The following ENOX2 variants were observed in gnomAD, a reference collection of about 807,000 sequenced individuals.
The protein encoded by ENOX2 is ecto-NOX disulfide-thiol exchanger 2.
Under a neutral mutation model 45.0 loss-of-function variants are expected in ENOX2, and 36 were observed. That is an observed-to-expected ratio of 0.80 (90% CI 0.61 to 1.06). ENOX2 has a LOEUF of 1.06. Ranked by LOEUF, ENOX2 falls within the 50% of genes least tolerant of loss-of-function variation. ENOX2 has a pLI of 0.00. For missense variants in ENOX2, 423 were observed against 462.5 expected (o/e 0.91, Z 0.78); for synonymous variants, 174 against 152.3 (o/e 1.14, Z -1.05).
At chrX:130,827,745 A>C (rs922535963) in intron 2 of ENOX2, among the ~76,000 whole-genome samples, 1 of 111,982 alleles carries the variant, frequency 8.9e-6, no homozygotes, top group Admixed American at 9.5e-5. Context: ...AAAGCCAATG[A>C]GGAAAAAAAG....
intron 2 of ENOX2, among the ~76,000 whole-genome samples, chrX:130,853,200 G>A (rs1422614535): frequency 1.8e-5 from 2 of 110,121 alleles, no homozygotes; most frequent in Non-Finnish European, 3.8e-5. Context: ...GCTTTTGGCC[G>A]GGCGCGGTGG....
rs147562688 is a variant in ENOX2 at position 130,695,078 on chromosome X, T to C, written c.98-6060A>G. ...AAGTAGCTCTTACTAAACGTGCTCC[T>C]AACCATTAGTCTACACTGCTTCCCA... On this transcript the variant is annotated intron_variant, in intron 4 of 14. Transcript: ENST00000394363. Among the ~76,000 whole-genome samples, 872 of 111,659 alleles carry C rather than the reference T, an allele frequency of 7.8e-3. 27 individuals carry two copies. Among genetic ancestry groups the C allele is most frequent in the Admixed American group, 0.059 (619 of 10,525 alleles).
chrX:130,794,378 A>G (rs2077087559), intron 2 of ENOX2, among the ~76,000 whole-genome samples: 1 of 112,417 alleles, frequency 8.9e-6, no homozygotes, highest in Non-Finnish European at 1.9e-5. Flanking sequence ...GATTGATTTC[A>G]TAAAACTGAG....
At chrX:130,720,355 C>T (rs919031086) in intron 3 of ENOX2, among the ~76,000 whole-genome samples, 5 of 112,459 alleles carry the variant, frequency 4.4e-5, no homozygotes. Flanking sequence ...CCTCCTGGCC[C>T]ATCAAAGAAT....
chrX:130,669,127 G>A (rs2036913014), intron 7 of ENOX2, among the ~76,000 whole-genome samples: 1 of 112,047 alleles, frequency 8.9e-6, no homozygotes, highest in South Asian at 3.7e-4. Flanking sequence ...ATCTTGATGA[G>A]TTGAGAACAC....
At chrX:130,688,840 T>C in intron 5 of ENOX2, 23 bp downstream of exon 5, 4 of 1,150,236 alleles carry the variant, frequency 3.5e-6, no homozygotes, top group Non-Finnish European at 4.7e-6. Flanking sequence ...GTGTCTTGTG[T>C]GGAGAAAAAA....
chrX:130,647,551 C>T (rs779072661), intron 10 of ENOX2, among the ~76,000 whole-genome samples: 1 of 112,026 alleles, frequency 8.9e-6, no homozygotes, highest in Non-Finnish European at 1.9e-5. Flanking sequence ...AATGCAGATT[C>T]TCTGATTCAA....
intron 3 of ENOX2, among the ~76,000 whole-genome samples, chrX:130,755,820 T>A (rs1326288625): frequency 9.1e-6 from 1 of 110,266 alleles, no homozygotes; most frequent in Non-Finnish European, 1.9e-5. Context: ...AAATACTAGG[T>A]CTTATTCATT....
chrX:130,849,622 T>C (rs939410204), intron 2 of ENOX2, among the ~76,000 whole-genome samples: 5 of 112,108 alleles, frequency 4.5e-5, no homozygotes, highest in African/African-American at 1.3e-4. Context: ...GGGCTGGTCA[T>C]GGAACAGTTG....
rs1407724548 is a variant in ENOX2, at chrX:130,783,540, A to G, written c.-39+7T>C. The G allele has an allele frequency of 3.0e-6, 1 of 329,704 alleles. No individual in the cohort carries two copies. The allele number at this position is 329,704 out of a possible 1,213,427, so 27.2% of individuals were successfully genotyped here. A position where few individuals can be genotyped will look rare whatever the true frequency, so the allele number is the denominator to read the frequency against. On this transcript the variant is annotated splice_region_variant and intron_variant, in intron 3 of 14. Coordinates refer to ENST00000394363, the MANE Select transcript of ENOX2 (RefSeq NM_006375.4). ...GGCTTAAGACAGTGCATTATCACCT[A>G]GCTTACCTGAAGGAGTATTTGTTCT...
intron 2 of ENOX2, among the ~76,000 whole-genome samples, chrX:130,840,522 A>T (rs994482669): frequency 5.1e-4 from 53 of 103,221 alleles, no homozygotes; most frequent in African/African-American, 1.6e-3. Flanking sequence ...TCTCTTTTAA[A>T]AAATAAATAA....
intron 3 of ENOX2, among the ~76,000 whole-genome samples, chrX:130,779,717 A>C (rs2039930304): frequency 8.9e-6 from 1 of 112,068 alleles, no homozygotes; most frequent in African/African-American, 3.2e-5. Context: ...CAAATATGTG[A>C]TCAAGCAACA....
chrX:130,692,836 TGCCTTG>T (rs2037649479), intron 4 of ENOX2, among the ~76,000 whole-genome samples: 2 of 109,662 alleles, frequency 1.8e-5, no homozygotes, highest in South Asian at 8.2e-4. Flanking sequence ...GTGATCCACT[TGCCTTG>T]GCCTCCCAAA....
At chrX:130,693,809 T>C (rs1321406354) in intron 4 of ENOX2, among the ~76,000 whole-genome samples, 1 of 112,055 alleles carries the variant, frequency 8.9e-6, no homozygotes, top group African/African-American at 3.2e-5. Context: ...GAAGGGATAC[T>C]GTGCCCTTTT....
At chrX:130,872,421 AT>A (rs1461607142) in intron 2 of ENOX2, among the ~76,000 whole-genome samples, 3 of 111,782 alleles carry the variant, frequency 2.7e-5, no homozygotes, top group African/African-American at 6.5e-5. Context: ...CTAATATTGC[AT>A]GTTTCCGCAT....
At chrX:130,899,775 C>T (rs1423757566) in intron 2 of ENOX2, among the ~76,000 whole-genome samples, 2 of 111,783 alleles carry the variant, frequency 1.8e-5, no homozygotes, top group African/African-American at 6.5e-5. Context: ...CAAATCCACT[C>T]GAGTGGTAAC....
intron 3 of ENOX2, among the ~76,000 whole-genome samples, chrX:130,710,232 T>C (rs188381886): frequency 2.7e-5 from 3 of 112,052 alleles, no homozygotes; most frequent in East Asian, 5.6e-4. Context: ...TCCATAGTTA[T>C]ATAGCTAGCT....
intron 10 of ENOX2, 86 bp from the exon 11 acceptor site, chrX:130,637,496 T>A: frequency 6.2e-6 from 5 of 802,229 alleles, no homozygotes; most frequent in Non-Finnish European, 7.1e-6. Context: ...GTTCTTCCTC[T>A]TGATGAAGAA....
intron 3 of ENOX2, among the ~76,000 whole-genome samples, chrX:130,706,839 T>A (rs2038048298): frequency 8.9e-6 from 1 of 111,832 alleles, no homozygotes; most frequent in Non-Finnish European, 1.9e-5. Context: ...ATTTGCTTAG[T>A]TACAACCAGG....
Sources: gnomAD v4.1 joint callset for allele counts (sites outside exome capture counted in the v4.1 genomes callset) on GRCh38, gnomAD v4.1.1 for gene constraint, MANE v1.5 for transcripts, NCBI Gene and HGNC (gene_info 2026-07-23, HGNC 2026-07-21) for gene names.